PTPRK: variants seen among roughly 807,000 people sequenced by gnomAD.
PTPRK encodes receptor-type tyrosine-protein phosphatase kappa.
Under a neutral mutation model 178.0 loss-of-function variants are expected in PTPRK, and 75 were observed. The observed-to-expected ratio is 0.42, with a 90% CI of 0.35 to 0.51. The LOEUF is 0.51. PTPRK is among the 20% of genes least tolerant of loss of function. The pLI, the probability that PTPRK is intolerant of heterozygous loss-of-function variation, is 0.02. For synonymous variants in PTPRK, 637 were observed against 620.6 expected (o/e 1.03, Z -0.39); for missense variants, 1,441 against 1,797.8 (o/e 0.80, Z 3.59).
At position 128,378,563 on chromosome 6, in the gene PTPRK, T is replaced by A. The variant is rs147029712; in HGVS notation, c.223+19003A>T. ...AAATGTTAAAATAAGAAAATAAGCA[T>A]GAAAAAAATTTCCACTGAAAATACA... is the stretch of plus-strand genomic sequence containing the variant. On this transcript the variant is annotated intron_variant, in intron 2 of 29. Transcript: ENST00000368226. Among the ~76,000 whole-genome samples the A allele has an allele frequency of 4.3e-4, 66 of 152,078 alleles. 1 individual carries two copies. The highest frequency in any genetic ancestry group is 4.1e-3 in the Admixed American group (62 of 15,276).
At chr6:127,989,880 G>A (rs1776409480) in intron 21 of PTPRK, among the ~76,000 whole-genome samples, 1 of 151,598 alleles carries the variant, frequency 6.6e-6, no homozygotes, top group South Asian at 2.1e-4. Context: ...CAATCGCAAG[G>A]TTCTTCTGTC....
At chr6:128,392,334 T>A (rs1184817904) in intron 2 of PTPRK, among the ~76,000 whole-genome samples, 3 of 152,188 alleles carry the variant, frequency 2.0e-5, no homozygotes, top group Admixed American at 2.0e-4. Context: ...TTCATTATTA[T>A]CAGTGAAAAC....
chr6:128,401,168 A>G lies in PTPRK; in HGVS notation c.101-3480T>C, dbSNP rs181581557. 1.5e-3 allele frequency among the ~76,000 whole-genome samples: 224 copies of G among 152,302 alleles called. 3 individuals carry two copies. The highest frequency in any genetic ancestry group is 5.0e-3 in the African/African-American group (209 of 41,572). On this transcript the variant is annotated intron_variant, in intron 1 of 29. Transcript: ENST00000368226. ...ATCACCGAAATGGTCTGTTTCTATG[A>G]TAGCAAGCCACTTAAGGGGTTGGCA...
intron 1 of PTPRK, among the ~76,000 whole-genome samples, chr6:128,425,394 A>G (rs1192058503): frequency 6.6e-6 from 1 of 151,840 alleles, no homozygotes. Flanking sequence ...GTAGTCTTTT[A>G]TCCCTCACAA....
rs952732096 is a variant in PTPRK at position 128,082,344 on chromosome 6, G to A, written c.1777+93C>T. The A allele has an allele frequency of 5.1e-6, 6 of 1,179,228 alleles. No individual in the cohort carries two copies. In the African/African-American group the frequency reaches 7.5e-5, roughly 15 times the overall value. The allele number at this position is 1,179,228 out of a possible 1,614,324, so 73.0% of individuals were successfully genotyped here. A position where few individuals can be genotyped will look rare whatever the true frequency, so the allele number is the denominator to read the frequency against. On this transcript the variant is annotated intron_variant, in intron 10 of 29. Transcript: ENST00000368226. The stretch of plus-strand genomic sequence containing the variant: ...ATATTAAAGGTTCAACAAGCAAGAT[G>A]AACTACACTTGGTTTATATGTGATT...
intron 4 of PTPRK, 108 bp from the exon 5 acceptor site, chr6:128,240,258 G>A (rs1814161410): frequency 1.2e-6 from 1 of 800,534 alleles, no homozygotes; most frequent in Non-Finnish European, 2.0e-6. Flanking sequence ...CTTTGGCCAA[G>A]ACTAACATCA....
At position 128,364,450 on chromosome 6, in the gene PTPRK, A is replaced by C. The variant is rs568044203; in HGVS notation, c.223+33116T>G. The stretch of plus-strand genomic sequence containing the variant: ...ACTTTTTACATATAAAAACATACTT[A>C]GAAACATATAATTGATTTGAAACCT... On this transcript the variant is annotated intron_variant, in intron 2 of 29. Coordinates refer to ENST00000368226, the MANE Select transcript of PTPRK (RefSeq NM_002844.4). Among the ~76,000 whole-genome samples, 5 of 152,256 alleles carry C rather than the reference A, an allele frequency of 3.3e-5. No homozygotes were observed. In the South Asian group the frequency reaches 1.0e-3, roughly 32 times the overall value.
intron 7 of PTPRK, among the ~76,000 whole-genome samples, chr6:128,148,457 C>T (rs1411005021): frequency 3.3e-5 from 5 of 152,066 alleles, no homozygotes; most frequent in Admixed American, 6.6e-5. Context: ...ATGTCTACTA[C>T]AGCATGAATT....
chr6:127,997,043 G>T lies in PTPRK; in HGVS notation c.2680-55C>A. 2.6e-6 allele frequency: 4 copies of T among 1,552,586 alleles called. No individual in the cohort carries two copies. In the South Asian group the frequency reaches 3.5e-5, roughly 13 times the overall value. The stretch of plus-strand genomic sequence containing the variant: ...AATTTAATTCCTTTTTAAAAATCAG[G>T]TTTATCTGTTCTGAAGCCCCAAATA... On this transcript the variant is annotated intron_variant, in intron 16 of 29. Transcript: ENST00000368226.
At chr6:128,257,727 T>G (rs1450080750) in intron 3 of PTPRK, among the ~76,000 whole-genome samples, 3 of 152,194 alleles carry the variant, frequency 2.0e-5, no homozygotes, top group African/African-American at 2.4e-5. Flanking sequence ...CTTAAAATAA[T>G]GTCATAAACA....
chr6:128,463,248 C>G (rs1849309896), intron 1 of PTPRK, among the ~76,000 whole-genome samples: 1 of 152,188 alleles, frequency 6.6e-6, no homozygotes, highest in African/African-American at 2.4e-5. Flanking sequence ...AAGTCAAGCA[C>G]TGCCCTTCCA....
At chr6:128,236,986 AT>A (rs1179704079) in intron 5 of PTPRK, among the ~76,000 whole-genome samples, 1 of 152,008 alleles carries the variant, frequency 6.6e-6, no homozygotes, top group African/African-American at 2.4e-5. Context: ...CAATTTGTAT[AT>A]TATTTTAGAC....
chr6:128,105,427 C>A (rs1228180956), intron 7 of PTPRK, among the ~76,000 whole-genome samples: 2 of 152,164 alleles, frequency 1.3e-5, no homozygotes, highest in African/African-American at 4.8e-5. Context: ...GCCACCGCAC[C>A]CGGCCTTACC....
intron 1 of PTPRK, among the ~76,000 whole-genome samples, chr6:128,421,247 C>A (rs866306193): frequency 6.6e-5 from 10 of 152,090 alleles, no homozygotes; most frequent in Admixed American, 5.9e-4. Flanking sequence ...GAAAATAAAT[C>A]TTACCTTGTG....
intron 11 of PTPRK, among the ~76,000 whole-genome samples, chr6:128,077,124 G>T (rs1226474201): frequency 6.6e-6 from 1 of 151,996 alleles, no homozygotes; most frequent in East Asian, 1.9e-4. Flanking sequence ...GCAAGTAGCT[G>T]GTAGCTGATT....
chr6:128,462,098 A>G (rs1418694345), intron 1 of PTPRK, among the ~76,000 whole-genome samples: 2 of 151,866 alleles, frequency 1.3e-5, no homozygotes, highest in Non-Finnish European at 2.9e-5. Context: ...CAAGTAGCCA[A>G]GGCTATAGGT....
At chr6:128,010,332 A>G (rs1001318550) in intron 13 of PTPRK, among the ~76,000 whole-genome samples, 1 of 151,288 alleles carries the variant, frequency 6.6e-6, no homozygotes, top group African/African-American at 2.4e-5. Flanking sequence ...TTGCACTTGG[A>G]GTCAAGAGAT....
In PTPRK at chr6:128,338,578, C is replaced by A. The variant is rs144786347; in HGVS notation, c.224-16268G>T. On this transcript the variant is annotated intron_variant, in intron 2 of 29. Coordinates refer to ENST00000368226, the MANE Select transcript of PTPRK (RefSeq NM_002844.4). ...AGCCCAAATAATAACTCAAGTATAT[C>A]CACCAGTGGAGACCTACTGCTGGGT... Among the ~76,000 whole-genome samples, 3 of 152,212 alleles carry A rather than the reference C, an allele frequency of 2.0e-5. No individual in the cohort carries two copies. The East Asian group carries it at 5.8e-4, about 29-fold the overall frequency.
intron 13 of PTPRK, among the ~76,000 whole-genome samples, chr6:128,026,752 A>G (rs1774379470): frequency 6.6e-6 from 1 of 152,206 alleles, no homozygotes; most frequent in African/African-American, 2.4e-5. Flanking sequence ...TTCATTTTAT[A>G]TCATTTTCCT....
Sources: allele counts gnomAD v4.1 joint callset (sites outside exome capture counted in the v4.1 genomes callset), GRCh38; gene constraint gnomAD v4.1.1; transcripts MANE v1.5; gene names NCBI Gene and HGNC (gene_info 2026-07-23, HGNC 2026-07-21).